The following RABGGTB variants were observed in gnomAD, a reference collection of about 807,000 sequenced individuals.
RABGGTB encodes the protein Rab geranylgeranyltransferase subunit beta, also known as geranylgeranyl transferase type-2 subunit beta.
RABGGTB carries 20 observed loss-of-function variants against 44.5 expected under a neutral mutation model. The observed-to-expected ratio is 0.45, with a 90% CI of 0.32 to 0.65. RABGGTB has a LOEUF of 0.65. Ranked by LOEUF, RABGGTB falls within the 30% of genes least tolerant of loss-of-function variation. The pLI is 0.05. For missense variants in RABGGTB, 302 were observed against 398.7 expected, an observed-to-expected ratio of 0.76 and a Z score of 2.06; for synonymous variants, 128 against 136.7, an observed-to-expected ratio of 0.94 and a Z score of 0.44.
chr1:75,790,076 C>T lies in RABGGTB; in HGVS notation c.415+19C>T. 1 of 1,608,894 alleles carries T rather than the reference C, an allele frequency of 6.2e-7. No individual in the cohort carries two copies. The highest frequency in any genetic ancestry group is 2.2e-5 in the East Asian group (1 of 44,844). ...ATTTGGGGTAATGTCAGATTTAGTC[C>T]ATTCTACCCAAAATACCAATATTAA... On this transcript the variant is annotated intron_variant, in intron 4 of 8. Transcript: ENST00000319942.
chr1:75,787,268 C>A (rs112685977), intron 1 of RABGGTB: 11 of 629,698 alleles, frequency 1.7e-5, no homozygotes, highest in Non-Finnish European at 2.3e-5. Flanking sequence ...TCTCCGGTCG[C>A]CCAGGATGGA....
In RABGGTB at chr1:75,794,202, C is replaced by T. The variant is rs981262171; in HGVS notation, c.824C>T (p.Thr275Met). 3 of 1,613,002 alleles carry T rather than the reference C, an allele frequency of 1.9e-6. No individual in the cohort carries two copies. Among genetic ancestry groups the T allele is most frequent in the African/African-American group, 1.3e-5 (1 of 74,950 alleles). The change falls in exon 8 of 9, where the codon ACG becomes ATG. Residue 275 changes from threonine (T) to methionine (M), a missense_variant. Around this residue, in one of 2 missense-constraint regions of RABGGTB, gnomAD observed 213 missense variants for 323.7 expected, o/e 0.66. Transcript: ENST00000319942. The part of the protein sequence containing the change: ...NFILACQDEE[T>M]GGFADRPGDM... Reference sequence around the variant, plus strand: ...ATTTTAGCATGTCAAGATGAAGAAACGGGGGGATTTGCAGACAGGCCAGGA... The same window carrying T: ...ATTTTAGCATGTCAAGATGAAGAAATGGGGGGATTTGCAGACAGGCCAGGA...
intron 2 of RABGGTB, 167 bp downstream of exon 2, chr1:75,787,771 G>C (rs1190101633): frequency 1.5e-6 from 1 of 669,800 alleles, no homozygotes; most frequent in Non-Finnish European, 2.7e-6. Flanking sequence ...GTCTGAGGCT[G>C]TGGGCTTATT....
chr1:75,792,843 A>C lies in RABGGTB; in HGVS notation c.705+537A>C, dbSNP rs531969109. 1.7e-3 allele frequency among the ~76,000 whole-genome samples: 257 copies of C among 152,228 alleles called. 1 individual carries two copies. The highest frequency in any genetic ancestry group is 5.6e-3 in the African/African-American group (233 of 41,548). ...ATGGATGGATATACTTGTATTTCCT[A>C]TGTCAGATGGAATCTTGCTCTGTTG... On this transcript the variant is annotated intron_variant, in intron 7 of 8. Transcript: ENST00000319942.
In RABGGTB at chr1:75,792,288, C is replaced by G. The variant is rs546199140; in HGVS notation, c.687C>G (p.Leu229=). ...LCERQLPSGG[L]NGRPEKLPDV... ...AACGACAATTACCCTCAGGCGGGCT[C>G]AATGGAAGGCCGGAGAAGGTATTGT... is the stretch of plus-strand genomic sequence containing the variant. The change falls in exon 7 of 9, where the codon CTC becomes CTG. Residue 229 remains leucine (L), a synonymous_variant. Transcript: ENST00000319942. The G allele has an allele frequency of 1.2e-6, 2 of 1,613,888 alleles. No individual in the cohort carries two copies. Among genetic ancestry groups the G allele is most frequent in the African/African-American group, 1.3e-5 (1 of 75,014 alleles).
chr1:75,790,608 T>A, intron 4 of RABGGTB: 1 of 494,548 alleles, frequency 2.0e-6, no homozygotes. Flanking sequence ...GGGCTTTCTT[T>A]AAGCAGCTTA....
chr1:75,791,755 C>G, intron 6 of RABGGTB, 184 bp downstream of exon 6: 1 of 563,116 alleles, frequency 1.8e-6, no homozygotes, highest in Non-Finnish European at 3.0e-6. Flanking sequence ...ATACCTTTCT[C>G]TGTCGGTGGA....
At chr1:75,788,914 A>G (rs143589442) in intron 2 of RABGGTB, 62 of 509,830 alleles carry the variant, frequency 1.2e-4, no homozygotes, top group African/African-American at 1.1e-3. Flanking sequence ...CACTGTTTGT[A>G]TTGTCAGCCA....
At chr1:75,788,682 CT>C (rs1649562870) in intron 2 of RABGGTB, 1 of 156,812 alleles carries the variant, frequency 6.4e-6, no homozygotes, top group Non-Finnish European at 1.4e-5. Flanking sequence ...TGATTAGCCA[CT>C]GTTTTATCTG....
rs1477404121 is a variant in RABGGTB at position 75,794,636 on chromosome 1, G to C, written c.982G>C (p.Glu328Gln). 2 of 1,606,726 alleles carry C rather than the reference G, an allele frequency of 1.2e-6. No individual in the cohort carries two copies. The highest frequency in any genetic ancestry group is 1.3e-5 in the African/African-American group (1 of 74,914). ...EVLQRVNVQPELVS is the reference protein window; with the variant it reads ...EVLQRVNVQPQLVS ...GCTTCAGAGAGTGAATGTTCAGCCT[G>C]AGCTAGTGAGCTAGATTCATTGAAT... The change falls in exon 9 of 9, where the codon GAG becomes CAG. Residue 328 changes from glutamate to glutamine, a missense_variant. This residue lies in a region of RABGGTB where 213 missense variants were observed against 323.7 expected (regional missense o/e 0.66). Transcript: ENST00000319942.
intron 1 of RABGGTB, 191 bp from the exon 2 acceptor site, chr1:75,787,306 C>T (rs1649518909): frequency 1.6e-6 from 1 of 617,904 alleles, no homozygotes; most frequent in East Asian, 2.8e-5. Flanking sequence ...CAGTTCACTG[C>T]AGCCTTAATT....
intron 4 of RABGGTB, among the ~76,000 whole-genome samples, chr1:75,790,931 C>T (rs1382442660): frequency 6.6e-6 from 1 of 152,134 alleles, no homozygotes; most frequent in African/African-American, 2.4e-5. Flanking sequence ...GCCTGAGCCA[C>T]AATGCCCAGC....
chr1:75,789,636 C>T (rs1287888296), intron 3 of RABGGTB: 3 of 628,026 alleles, frequency 4.8e-6, no homozygotes, highest in Non-Finnish European at 5.8e-6. Flanking sequence ...TGAACATCTA[C>T]CTGGTGGTTT....
chr1:75,792,264 AC>A lies in RABGGTB; in HGVS notation c.664del (p.Arg222AspfsTer28). On this transcript the variant is annotated frameshift_variant, in exon 7 of 9. Transcript: ENST00000319942. LOFTEE classifies it high-confidence loss of function. ...SDLLGWWLCE[R>X]QLPSGGLNGR... ...ATTTACTTGGCTGGTGGCTTTGTGA[AC>A]GACAATTACCCTCAGGCGGGCTCAA... 6.2e-7 allele frequency: 1 copy of A among 1,614,128 alleles called. No individual in the cohort carries two copies.
intron 6 of RABGGTB, 127 bp from the exon 7 acceptor site, chr1:75,792,054 T>C: frequency 1.2e-6 from 1 of 800,974 alleles, no homozygotes; most frequent in Non-Finnish European, 1.9e-6. Flanking sequence ...AATACATGTT[T>C]GGAATTTTAA....
At chr1:75,788,989 T>C (rs1225185030) in intron 2 of RABGGTB, 170 bp from the exon 3 acceptor site, 3 of 600,414 alleles carry the variant, frequency 5.0e-6, no homozygotes, top group Admixed American at 6.3e-5. Context: ...TGTCTGAAGA[T>C]GGCTTCTAAC....
At chr1:75,794,328 CTTTGAAAGCAG>C in intron 8 of RABGGTB, 95 bp downstream of exon 8, 1 of 1,427,736 alleles carries the variant, frequency 7.0e-7, no homozygotes, top group South Asian at 1.4e-5. Flanking sequence ...CCGAGTGTTG[CTTTGAAAGCAG>C]TTTTTTTTTC....
At chr1:75,786,333 G>C (rs1307924785) in intron 1 of RABGGTB, 59 bp downstream of exon 1, 5 of 1,599,462 alleles carry the variant, frequency 3.1e-6, no homozygotes, top group Non-Finnish European at 4.3e-6. Context: ...GGTGGAGTAG[G>C]GTTAAGCACA....
intron 4 of RABGGTB, 176 bp downstream of exon 4, chr1:75,790,233 T>C: frequency 7.4e-7 from 1 of 1,349,760 alleles, no homozygotes; most frequent in South Asian, 2.1e-5. Flanking sequence ...TATCAGCATA[T>C]ACAGGAGCAC....
Sources: gnomAD v4.1 joint callset for allele counts (sites outside exome capture counted in the v4.1 genomes callset) on GRCh38, gnomAD v4.1.1 for gene constraint, gnomAD v4.1.1 regional missense constraint, MANE v1.5 for transcripts, NCBI Gene and HGNC (gene_info 2026-07-23, HGNC 2026-07-21) for gene names.